Variants in UBE2E3 observed in about 807,000 individuals in gnomAD.
UBE2E3 encodes the protein ubiquitin-conjugating enzyme E2 E3.
A neutral mutation model predicts 23.6 loss-of-function variants in UBE2E3; 5 were observed. That is an observed-to-expected ratio of 0.21 (90% CI 0.11 to 0.44). The LOEUF is 0.44. Among genes scored for constraint, UBE2E3 ranks in the 20% least tolerant of loss-of-function variants. UBE2E3 has a pLI of 0.99. For missense variants in UBE2E3, 81 were observed against 249.8 expected (o/e 0.32, Z 4.55); for synonymous variants, 78 against 87.5 (o/e 0.89, Z 0.60).
At chr2:181,026,857 C>G (rs1379211844) in intron 3 of UBE2E3, among the ~76,000 whole-genome samples, 1 of 145,554 alleles carries the variant, frequency 6.9e-6, no homozygotes, top group Non-Finnish European at 1.6e-5. Context: ...TCAGGTCCAA[C>G]TTTGATTATT....
intron 4 of UBE2E3, among the ~76,000 whole-genome samples, chr2:181,058,564 G>A (rs1039166645): frequency 6.6e-6 from 1 of 151,700 alleles, no homozygotes; most frequent in Non-Finnish European, 1.5e-5. Flanking sequence ...TTATGCTGTT[G>A]TTACAGAGAT....
intron 3 of UBE2E3, among the ~76,000 whole-genome samples, chr2:181,030,472 CT>C (rs1686041328): frequency 6.6e-6 from 1 of 151,942 alleles, no homozygotes; most frequent in African/African-American, 2.4e-5. Context: ...TATGAACAGT[CT>C]TGGATATGAT....
At chr2:180,990,474 C>G (rs549565593) in intron 3 of UBE2E3, among the ~76,000 whole-genome samples, 29 of 152,328 alleles carry the variant, frequency 1.9e-4, no homozygotes, top group African/African-American at 6.5e-4. Flanking sequence ...TATTCACCTA[C>G]ACCTTCCTCA....
At chr2:181,048,124 T>G (rs1316983227) in intron 3 of UBE2E3, among the ~76,000 whole-genome samples, 1 of 152,156 alleles carries the variant, frequency 6.6e-6, no homozygotes, top group Non-Finnish European at 1.5e-5. Context: ...GAAATAATCT[T>G]TTAAATATTG....
chr2:181,059,181 A>G (rs1687063732), intron 4 of UBE2E3, among the ~76,000 whole-genome samples: 1 of 151,744 alleles, frequency 6.6e-6, no homozygotes, highest in South Asian at 2.1e-4. Context: ...ATTAAGATCT[A>G]TAGTTGGACA....
At chr2:181,027,730 A>G (rs887277040) in intron 3 of UBE2E3, among the ~76,000 whole-genome samples, 2 of 151,996 alleles carry the variant, frequency 1.3e-5, no homozygotes, top group African/African-American at 4.8e-5. Context: ...TTTAAAATCA[A>G]GTATTGAAAC....
At chr2:180,996,639 C>T (rs752097038) in intron 3 of UBE2E3, among the ~76,000 whole-genome samples, 1 of 152,196 alleles carries the variant, frequency 6.6e-6, no homozygotes, top group African/African-American at 2.4e-5. Context: ...TCTTCCCCCC[C>T]ATTTCCAGGT....
chr2:181,037,320 C>T (rs1032787176), intron 3 of UBE2E3, among the ~76,000 whole-genome samples: 1 of 152,204 alleles, frequency 6.6e-6, no homozygotes, highest in African/African-American at 2.4e-5. Context: ...AACTCTAAAA[C>T]AGCCTCAGGC....
At chr2:180,997,826 G>A (rs775498770) in intron 3 of UBE2E3, among the ~76,000 whole-genome samples, 5 of 152,084 alleles carry the variant, frequency 3.3e-5, no homozygotes, top group Admixed American at 2.6e-4. Context: ...CCTTCAAGTG[G>A]TAGTGATCTT....
At chr2:181,038,960 T>C (rs1686386943) in intron 3 of UBE2E3, among the ~76,000 whole-genome samples, 1 of 152,122 alleles carries the variant, frequency 6.6e-6, no homozygotes, top group Admixed American at 6.5e-5. Flanking sequence ...CTCTCATACA[T>C]TACCATTGAG....
At chr2:181,026,080 G>T (rs192745143) in intron 3 of UBE2E3, among the ~76,000 whole-genome samples, 19 of 151,952 alleles carry the variant, frequency 1.3e-4, no homozygotes, top group Admixed American at 2.0e-4. Context: ...AGTAGATTTG[G>T]GGAGGCTTTT....
At chr2:181,034,418 G>A (rs968259809) in intron 3 of UBE2E3, among the ~76,000 whole-genome samples, 4 of 152,136 alleles carry the variant, frequency 2.6e-5, no homozygotes, top group Non-Finnish European at 5.9e-5. Flanking sequence ...TCAGCAAACT[G>A]TTGCAAGAAC....
At chr2:181,025,579 AT>A (rs989627177) in intron 3 of UBE2E3, among the ~76,000 whole-genome samples, 1 of 151,778 alleles carries the variant, frequency 6.6e-6, no homozygotes, top group Non-Finnish European at 1.5e-5. Context: ...CCACATATTA[AT>A]TTTTTTTCTA....
At chr2:181,029,526 T>C (rs868060291) in intron 3 of UBE2E3, among the ~76,000 whole-genome samples, 7 of 152,068 alleles carry the variant, frequency 4.6e-5, no homozygotes, top group African/African-American at 1.2e-4. Context: ...TTTCTAGGAG[T>C]TTAATATTTT....
intron 4 of UBE2E3, among the ~76,000 whole-genome samples, chr2:181,058,406 G>A (rs1687043771): frequency 1.3e-5 from 2 of 151,702 alleles, no homozygotes; most frequent in Admixed American, 1.3e-4. Flanking sequence ...ATGGATAACA[G>A]AGAACGGGGT....
At chr2:181,042,256 C>G (rs938359427) in intron 3 of UBE2E3, among the ~76,000 whole-genome samples, 3 of 152,178 alleles carry the variant, frequency 2.0e-5, no homozygotes, top group Non-Finnish European at 4.4e-5. Context: ...TCAGTCTTTC[C>G]TTGTTAATTC....
upstream of UBE2E3, chr2:180,980,430 C>T (rs1341140200): frequency 1.3e-5 from 2 of 151,262 alleles, no homozygotes; most frequent in African/African-American, 4.8e-5. This position sits in a 1 kb window ranked among gnomAD's most constrained non-coding sequence, Gnocchi z 5.5. Context: ...TTGTCCTGGC[C>T]GCGCGCGGGC....
intron 3 of UBE2E3, among the ~76,000 whole-genome samples, chr2:181,023,102 G>T (rs1052057269): frequency 6.6e-6 from 1 of 152,242 alleles, no homozygotes; most frequent in African/African-American, 2.4e-5. Context: ...TGAGTAAGTT[G>T]TGAGGAGTTC....
intron 3 of UBE2E3, among the ~76,000 whole-genome samples, chr2:181,044,254 A>G (rs185922604): frequency 2.8e-4 from 43 of 152,272 alleles, no homozygotes; most frequent in African/African-American, 9.6e-4. Flanking sequence ...ATAATGTTCA[A>G]TAAGTACTGA....
Sources: gnomAD v4.1 joint callset for allele counts (sites outside exome capture counted in the v4.1 genomes callset) on GRCh38, gnomAD v4.1.1 for gene constraint, Gnocchi (gnomAD v3.1) non-coding constraint, MANE v1.5 for transcripts, NCBI Gene and HGNC (gene_info 2026-07-23, HGNC 2026-07-21) for gene names.